Variants in CERKL observed in about 807,000 individuals in gnomAD.
CERKL encodes CERK like autophagy regulator.
Under a neutral mutation model 63.4 loss-of-function variants are expected in CERKL, and 61 were observed. The ratio of observed to expected loss-of-function variants is 0.96; its 90% CI spans 0.78 to 1.19. The LOEUF is 1.19. CERKL is among the 50% of genes most tolerant of loss of function. The pLI, the probability that CERKL is intolerant of heterozygous loss-of-function variation, is 0.00. For synonymous variants in CERKL, 250 were observed against 230.5 expected (o/e 1.08, Z -0.77); for missense variants, 675 against 655.5 (o/e 1.03, Z -0.33).
chr2:181,570,492 T>C (rs887405873), intron 3 of CERKL, among the ~76,000 whole-genome samples: 3 of 152,204 alleles, frequency 2.0e-5, no homozygotes, highest in Admixed American at 6.5e-5. Context: ...TATGCCAGCA[T>C]GGGCTTATCG....
rs1323517435 is a variant in CERKL, at chr2:181,538,086, T to C, written c.*98A>G. The stretch of plus-strand genomic sequence containing the variant: ...ACGGAAAAATTGTCTTCCATGAAAC[T>C]GGTCCCAAAAAGGGTGGGGACCACA... On this transcript the variant is annotated 3_prime_UTR_variant, in exon 13 of 13. Transcript: ENST00000410087. 8.8e-6 allele frequency: 7 copies of C among 796,160 alleles called. No homozygotes were observed. Among genetic ancestry groups the C allele is most frequent in the Admixed American group, 5.7e-5 (3 of 52,766 alleles). 49.3% of individuals were successfully genotyped at this position (796,160 alleles called of 1,614,324 possible). A position where few individuals can be genotyped will look rare whatever the true frequency, so the allele number is the denominator to read the frequency against.
intron 1 of CERKL, among the ~76,000 whole-genome samples, chr2:181,610,254 A>G (rs1685906775): frequency 6.6e-6 from 1 of 152,252 alleles, no homozygotes; most frequent in Non-Finnish European, 1.5e-5. Flanking sequence ...AAAAAGTTCA[A>G]TCTAATTAGT....
Position 181,536,797 on chromosome 2 carries a change from TATG to T in CERKL, c.*1384_*1386del. The T allele has an allele frequency of 3.7e-6, 1 of 271,136 alleles. No homozygotes were observed. Among genetic ancestry groups the T allele is most frequent in the East Asian group, 9.4e-5 (1 of 10,600 alleles). The allele number at this position is 271,136 out of a possible 1,614,324, so 16.8% of individuals were successfully genotyped here. ...ATTTTTGTAATATTTATTTTATGCT[TATG>T]ATCTAGATAATTGCAGAATATCATT... is the stretch of plus-strand genomic sequence containing the variant. On this transcript the variant is annotated 3_prime_UTR_variant, in exon 13 of 13. Coordinates refer to ENST00000410087, the MANE Select transcript of CERKL (RefSeq NM_201548.5).
intron 1 of CERKL, among the ~76,000 whole-genome samples, chr2:181,623,932 T>A (rs1211865286): frequency 6.6e-6 from 1 of 152,178 alleles, no homozygotes; most frequent in East Asian, 1.9e-4. Flanking sequence ...TAATATATTA[T>A]ATATACCCCA....
At chr2:181,576,995 A>G (rs1684258124) in intron 2 of CERKL, among the ~76,000 whole-genome samples, 3 of 152,184 alleles carry the variant, frequency 2.0e-5, no homozygotes, top group Non-Finnish European at 4.4e-5. Flanking sequence ...CATCAGAATT[A>G]CCTGACGTGC....
chr2:181,630,768 G>A (rs1309673309), intron 1 of CERKL, among the ~76,000 whole-genome samples: 2 of 152,212 alleles, frequency 1.3e-5, no homozygotes, highest in African/African-American at 4.8e-5. Context: ...GGCAGCTGTA[G>A]CAGACTCCTA....
chr2:181,555,665 GA>G (rs1370699962), intron 5 of CERKL, among the ~76,000 whole-genome samples: 7 of 151,568 alleles, frequency 4.6e-5, no homozygotes, highest in South Asian at 2.1e-4. Context: ...TAATCATAGG[GA>G]AAAATATTTT....
intron 1 of CERKL, among the ~76,000 whole-genome samples, chr2:181,618,252 T>C (rs2105913818): frequency 7.4e-6 from 1 of 135,438 alleles, no homozygotes; most frequent in South Asian, 2.5e-4. Flanking sequence ...TTGTACCCCT[T>C]AAACTTACAC....
intron 1 of CERKL, among the ~76,000 whole-genome samples, chr2:181,631,417 A>C (rs911351653): frequency 6.6e-6 from 1 of 152,198 alleles, no homozygotes; most frequent in Non-Finnish European, 1.5e-5. Flanking sequence ...AAACAGGCAC[A>C]CTGGAAAAGG....
intron 1 of CERKL, among the ~76,000 whole-genome samples, chr2:181,629,425 C>T (rs1686854484): frequency 1.3e-5 from 2 of 152,162 alleles, no homozygotes; most frequent in African/African-American, 4.8e-5. Flanking sequence ...CCACCTAAGT[C>T]AATGTTCTGC....
chr2:181,594,750 G>A (rs948519499), intron 2 of CERKL, among the ~76,000 whole-genome samples: 16 of 151,980 alleles, frequency 1.1e-4, no homozygotes, highest in African/African-American at 3.4e-4. Context: ...AAAGATGATC[G>A]ACAAGGAGAA....
intron 2 of CERKL, among the ~76,000 whole-genome samples, chr2:181,583,544 A>G (rs1684630210): frequency 6.6e-6 from 1 of 152,254 alleles, no homozygotes; most frequent in Admixed American, 6.5e-5. Context: ...AAGTTAAACG[A>G]TATCACAAAG....
chr2:181,576,285 T>C (rs1684210669), intron 2 of CERKL, among the ~76,000 whole-genome samples: 1 of 151,638 alleles, frequency 6.6e-6, no homozygotes, highest in Non-Finnish European at 1.5e-5. Context: ...GCCAAAGCCA[T>C]CCAGTGACAG....
chr2:181,629,699 C>T (rs1686867206), intron 1 of CERKL, among the ~76,000 whole-genome samples: 1 of 151,286 alleles, frequency 6.6e-6, no homozygotes, highest in African/African-American at 2.4e-5. Context: ...AAATTCATGA[C>T]ATTGTTAGTG....
At chr2:181,628,502 A>C (rs1325407274) in intron 1 of CERKL, among the ~76,000 whole-genome samples, 1 of 152,190 alleles carries the variant, frequency 6.6e-6, no homozygotes, top group Non-Finnish European at 1.5e-5. Context: ...CTCTATTTTC[A>C]GTGGGCATAA....
chr2:181,628,955 G>A (rs1686829973), intron 1 of CERKL, among the ~76,000 whole-genome samples: 1 of 152,154 alleles, frequency 6.6e-6, no homozygotes, highest in African/African-American at 2.4e-5. Flanking sequence ...ACGCTTCTAT[G>A]TCTACTTTAG....
At chr2:181,616,385 T>C (rs1686197053) in intron 1 of CERKL, among the ~76,000 whole-genome samples, 1 of 152,050 alleles carries the variant, frequency 6.6e-6, no homozygotes, top group Admixed American at 6.5e-5. Context: ...GGCTAATTTT[T>C]GTATTTTTAG....
intron 5 of CERKL, among the ~76,000 whole-genome samples, chr2:181,555,481 AAT>A (rs1263527478): frequency 1.3e-5 from 2 of 152,170 alleles, no homozygotes; most frequent in East Asian, 3.8e-4. Flanking sequence ...ATTATATCTG[AAT>A]ATCTCTCTCC....
At position 181,572,929 on chromosome 2, in the gene CERKL, A is replaced by G. The variant is rs182447332; in HGVS notation, c.613+824T>C. On this transcript the variant is annotated intron_variant, in intron 3 of 12. Coordinates refer to ENST00000410087, the MANE Select transcript of CERKL (RefSeq NM_201548.5). ...CTGTGAATCCCTTCCCTAGGAATCT[A>G]TAACTGGGACTAGGAAGTTCCAATT... 3.2e-3 allele frequency among the ~76,000 whole-genome samples: 485 copies of G among 152,260 alleles called. 2 individuals carry two copies. The highest frequency in any genetic ancestry group is 5.0e-3 in the Admixed American group (77 of 15,290).
Sources: allele counts gnomAD v4.1 joint callset (sites outside exome capture counted in the v4.1 genomes callset), GRCh38; gene constraint gnomAD v4.1.1; transcripts MANE v1.5; gene names NCBI Gene and HGNC (gene_info 2026-07-23, HGNC 2026-07-21).